The following IQCH variants were observed in gnomAD, a reference collection of about 807,000 sequenced individuals.
IQCH encodes IQ motif containing H, also known as IQ domain-containing protein H.
In IQCH, 98 loss-of-function variants were observed where a neutral mutation model predicts 117.0. That is an observed-to-expected ratio of 0.84 (90% CI 0.71 to 0.99). IQCH has a LOEUF of 0.99. Among genes scored for constraint, IQCH ranks in the 50% least tolerant of loss-of-function variants. IQCH has a pLI of 0.00. For synonymous variants in IQCH, 412 were observed against 448.2 expected, an observed-to-expected ratio of 0.92 and a Z score of 1.02; for missense variants, 1,102 against 1,243.8, an observed-to-expected ratio of 0.89 and a Z score of 1.72.
At chr15:67,255,087 A>C in intron 1 of IQCH, 140 bp downstream of exon 1, 1 of 801,786 alleles carries the variant, frequency 1.2e-6, no homozygotes, top group Non-Finnish European at 2.1e-6. Context: ...GCTCCCAAAA[A>C]TGCCCACCCA....
At position 67,456,977 on chromosome 15, in the gene IQCH, G is replaced by A. The variant is rs1474664179; in HGVS notation, c.2506-8150G>A. Among the ~76,000 whole-genome samples, 2 of 152,158 alleles carry A rather than the reference G, an allele frequency of 1.3e-5. No individual in the cohort carries two copies. The highest frequency in any genetic ancestry group is 4.8e-5 in the African/African-American group (2 of 41,420). On this transcript the variant is annotated intron_variant, in intron 16 of 20. Coordinates refer to ENST00000335894, the MANE Select transcript of IQCH (RefSeq NM_001031715.3). This position sits in a 1 kb window ranked among gnomAD's most constrained non-coding sequence, Gnocchi z 5.1. ...CTGTGATTTAAGTCATGCCCAAAAA[G>A]ATGAGTAGGATTAACAGAGACAGAG...
At chr15:67,300,404 A>G (rs1966966257) in intron 4 of IQCH, among the ~76,000 whole-genome samples, 1 of 152,156 alleles carries the variant, frequency 6.6e-6, no homozygotes, top group Non-Finnish European at 1.5e-5. Context: ...CAGTTTTACA[A>G]ATGAGAAATC....
At chr15:67,358,582 T>C (rs1970011014) in intron 7 of IQCH, among the ~76,000 whole-genome samples, 1 of 152,158 alleles carries the variant, frequency 6.6e-6, no homozygotes, top group Non-Finnish European at 1.5e-5. Context: ...GTGCTGGACT[T>C]TTGTACCTTG....
chr15:67,347,657 C>G (rs1437518174), intron 6 of IQCH, among the ~76,000 whole-genome samples: 1 of 151,348 alleles, frequency 6.6e-6, no homozygotes, highest in African/African-American at 2.4e-5. Flanking sequence ...GAAAGAAACA[C>G]TTCCCAGATA....
intron 4 of IQCH, among the ~76,000 whole-genome samples, chr15:67,325,334 T>C (rs1968358293): frequency 6.6e-6 from 1 of 152,158 alleles, no homozygotes; most frequent in African/African-American, 2.4e-5. Context: ...TTAAGGTCCT[T>C]AAAATATGTA....
intron 14 of IQCH, among the ~76,000 whole-genome samples, chr15:67,402,204 GA>G (rs1971689155): frequency 6.6e-6 from 1 of 152,086 alleles, no homozygotes; most frequent in Non-Finnish European, 1.5e-5. Context: ...CAAAGCTCTT[GA>G]ATAATTAATA....
At chr15:67,470,679 TTCAAAA>T (rs374987790) in intron 17 of IQCH, among the ~76,000 whole-genome samples, 283 of 152,358 alleles carry the variant, frequency 1.9e-3, no homozygotes, top group African/African-American at 6.6e-3. Flanking sequence ...AACTCTTGTC[TTCAAAA>T]TCAAGTTTAA....
chr15:67,414,661 A>AT (rs1555487910), intron 14 of IQCH, among the ~76,000 whole-genome samples: 7 of 146,420 alleles, frequency 4.8e-5, no homozygotes, highest in Admixed American at 1.4e-4. Context: ...CACCAAAAAA[A>AT]AAATATATAT....
Position 67,405,976 on chromosome 15 carries a change from G to A in IQCH, c.2097+5671G>A, listed in dbSNP as rs760762863. ...CACACACCTCAGAGCTGGAGAGGAGGAGCCCTGCCTAGGAGTTTCTAGGAT... is the reference window on the plus strand; with the variant it reads ...CACACACCTCAGAGCTGGAGAGGAGAAGCCCTGCCTAGGAGTTTCTAGGAT... On this transcript the variant is annotated intron_variant, in intron 14 of 20. Transcript: ENST00000335894. This position sits in a 1 kb window ranked among gnomAD's most constrained non-coding sequence, Gnocchi z 4.8. 1 of 152,192 alleles carries A rather than the reference G, an allele frequency of 6.6e-6. No homozygotes were observed. The highest frequency in any genetic ancestry group is 2.4e-5 in the African/African-American group (1 of 41,452). 9.4% of individuals were successfully genotyped at this position (152,192 alleles called of 1,614,324 possible).
At chr15:67,371,487 T>C in intron 8 of IQCH, 2 of 1,589,024 alleles carry the variant, frequency 1.3e-6, no homozygotes, top group South Asian at 1.2e-5. Flanking sequence ...GAAACCAGAC[T>C]TAAGAATAAA....
At chr15:67,480,251 T>C (rs1225070787) in intron 18 of IQCH, among the ~76,000 whole-genome samples, 1 of 152,208 alleles carries the variant, frequency 6.6e-6, no homozygotes, top group Non-Finnish European at 1.5e-5. Flanking sequence ...CGAAACTGTA[T>C]TTCCTCAGCC....
At position 67,454,191 on chromosome 15, in the gene IQCH, G is replaced by A. The variant is rs1204964837; in HGVS notation, c.2506-10936G>A. Among the ~76,000 whole-genome samples, 1 of 152,206 alleles carries A rather than the reference G, an allele frequency of 6.6e-6. No homozygotes were observed. Among genetic ancestry groups the A allele is most frequent in the Non-Finnish European group, 1.5e-5 (1 of 68,028 alleles). Reference sequence around the variant, plus strand: ...CCTTGCGCTTCCCAGGTGGGGCGATGCCTTGCCCTGCTTTGGCTCATGCAT... The same window carrying A: ...CCTTGCGCTTCCCAGGTGGGGCGATACCTTGCCCTGCTTTGGCTCATGCAT... On this transcript the variant is annotated intron_variant, in intron 16 of 20. Coordinates refer to ENST00000335894, the MANE Select transcript of IQCH (RefSeq NM_001031715.3). The surrounding 1 kb of genome is among the most constrained non-coding windows in gnomAD (Gnocchi z 5.2).
At chr15:67,497,024 C>CAAA (rs753821092) in intron 20 of IQCH, among the ~76,000 whole-genome samples, 5 of 35,792 alleles carry the variant, frequency 1.4e-4, no homozygotes, top group African/African-American at 3.0e-4. Flanking sequence ...GACTCCGTCT[C>CAAA]AAAAAAAAAA....
intron 3 of IQCH, among the ~76,000 whole-genome samples, chr15:67,275,440 G>T (rs879921226): frequency 2.0e-5 from 3 of 151,966 alleles, no homozygotes; most frequent in Admixed American, 2.0e-4. Context: ...GTTATTGCTG[G>T]TAATAATCTC....
intron 16 of IQCH, among the ~76,000 whole-genome samples, chr15:67,460,797 AACTG>A (rs1222553789): frequency 6.6e-6 from 1 of 152,208 alleles, no homozygotes; most frequent in African/African-American, 2.4e-5. Context: ...TCCATTTATA[AACTG>A]ACTGTATTAG....
In IQCH at chr15:67,500,648, A is replaced by G. The variant is rs777445991; in HGVS notation, c.2986A>G (p.Ile996Val). 3.8e-6 allele frequency: 6 copies of G among 1,560,334 alleles called. No individual in the cohort carries two copies. The African/African-American group carries it at 5.4e-5, about 14-fold the overall frequency. Residue 996 changes from isoleucine (I) to valine (V), a missense_variant, in exon 21 of 21, where the codon ATT becomes GTT. By Grantham distance (29) the Ile-to-Val change is conservative (BLOSUM62 3). Coordinates refer to ENST00000335894, the MANE Select transcript of IQCH (RefSeq NM_001031715.3). The surrounding 1 kb of genome is among the most constrained non-coding windows in gnomAD (Gnocchi z 4.4). The stretch of plus-strand genomic sequence containing the variant: ...TTATTTACAGACCACCATTGCTGAT[A>G]TTGAAACTATTCTAAGAGTAACAAA... ...ETNFKTTIAD[I>V]ETILRVTKEN...
chr15:67,489,336 T>C (rs959674900), intron 18 of IQCH, among the ~76,000 whole-genome samples: 2 of 150,822 alleles, frequency 1.3e-5, no homozygotes, highest in African/African-American at 2.4e-5. Flanking sequence ...CCCGGCCAAT[T>C]TTTTTTGAGA....
At chr15:67,307,097 A>G in intron 4 of IQCH, 1 of 1,230,736 alleles carries the variant, frequency 8.1e-7, no homozygotes, top group Non-Finnish European at 1.0e-6. Context: ...ATAACTGATT[A>G]TAACTGTTAT....
chr15:67,484,251 C>T (rs897596110), intron 18 of IQCH, among the ~76,000 whole-genome samples: 1 of 151,740 alleles, frequency 6.6e-6, no homozygotes, highest in Non-Finnish European at 1.5e-5. Context: ...ACAAAAAATA[C>T]AAAAATTAGC....
Sources: gnomAD v4.1 joint callset for allele counts (sites outside exome capture counted in the v4.1 genomes callset) on GRCh38, gnomAD v4.1.1 for gene constraint, Gnocchi (gnomAD v3.1) non-coding constraint, MANE v1.5 for transcripts, NCBI Gene and HGNC (gene_info 2026-07-23, HGNC 2026-07-21) for gene names.